The following ZNF804B variants were observed in gnomAD, a reference collection of about 807,000 sequenced individuals.
The protein encoded by ZNF804B is zinc finger protein 804B.
ZNF804B carries 80 observed loss-of-function variants against 101.4 expected under a neutral mutation model. The ratio of observed to expected loss-of-function variants is 0.79; its 90% confidence interval spans 0.66 to 0.95. The LOEUF (loss-of-function observed/expected upper bound fraction) is 0.95, where lower values mean the gene tolerates loss of function less well. Ranked by LOEUF, ZNF804B falls within the 40% of genes least tolerant of loss-of-function variation. The pLI is 0.00. For synonymous variants in ZNF804B, 622 were observed against 558.8 expected (o/e 1.11, Z -1.59); for missense variants, 1,673 against 1,561.9 (o/e 1.07, Z -1.20).
At chr7:88,955,773 T>A (rs758601187) in intron 1 of ZNF804B, among the ~76,000 whole-genome samples, 2 of 151,620 alleles carry the variant, frequency 1.3e-5, no homozygotes, top group Non-Finnish European at 3.0e-5. Context: ...CTAAAAGGCC[T>A]TCTGCACAGC....
chr7:88,987,546 G>T (rs1793775662), intron 1 of ZNF804B, among the ~76,000 whole-genome samples: 1 of 151,934 alleles, frequency 6.6e-6, no homozygotes, highest in Non-Finnish European at 1.5e-5. Context: ...ATTTCTTTAA[G>T]TATAGGCAGG....
Position 88,759,966 on chromosome 7 carries a change from C to T in ZNF804B, c.-11C>T. ...GAGGAGTTGAGACTCTGCGCCTCCGCCCGGACCCACATGGCTTGTTACCTG... is the reference window on the plus strand; with the variant it reads ...GAGGAGTTGAGACTCTGCGCCTCCGTCCGGACCCACATGGCTTGTTACCTG... On this transcript the variant is annotated 5_prime_UTR_variant, in exon 1 of 4. Coordinates refer to ENST00000333190, the MANE Select transcript of ZNF804B (RefSeq NM_181646.5). 1 of 1,613,566 alleles carries T rather than the reference C, an allele frequency of 6.2e-7. No individual in the cohort carries two copies. Among genetic ancestry groups the T allele is most frequent in the Non-Finnish European group, 8.5e-7 (1 of 1,179,502 alleles).
chr7:89,191,898 A>G (rs1282568640), intron 1 of ZNF804B, among the ~76,000 whole-genome samples: 4 of 152,128 alleles, frequency 2.6e-5, no homozygotes, highest in African/African-American at 9.7e-5. Context: ...CTTACATGTT[A>G]AATTATACTT....
chr7:88,932,746 A>C (rs1376344978), intron 1 of ZNF804B, among the ~76,000 whole-genome samples: 3 of 151,832 alleles, frequency 2.0e-5, no homozygotes, highest in African/African-American at 7.2e-5. Flanking sequence ...AGATTGAATC[A>C]GTAATAATAA....
In ZNF804B at chr7:89,333,905, ACT is replaced by A. The variant is rs758040012; in HGVS notation, c.926_927del (p.Ser309TyrfsTer2). 6.2e-7 allele frequency: 1 copy of A among 1,613,370 alleles called. No homozygotes were observed. On this transcript the variant is annotated frameshift_variant, in exon 4 of 4. Transcript: ENST00000333190. LOFTEE classifies it high-confidence loss of function. ...TCTAAAATTTTGCAAGACAAACACG[ACT>A]CTATTGATGAGACACTAGAAGATTC... is the stretch of plus-strand genomic sequence containing the variant.
At chr7:89,117,592 C>T (rs1250471072) in intron 1 of ZNF804B, among the ~76,000 whole-genome samples, 5 of 152,128 alleles carry the variant, frequency 3.3e-5, no homozygotes, top group Admixed American at 6.5e-5. Context: ...AAGTAATTTG[C>T]TCAATGGGGA....
intron 2 of ZNF804B, among the ~76,000 whole-genome samples, chr7:89,234,414 T>C (rs374401974): frequency 5.8e-4 from 89 of 152,264 alleles, no homozygotes; most frequent in African/African-American, 2.0e-3. Context: ...TATAATCTAC[T>C]TAACCTCTTT....
intron 1 of ZNF804B, among the ~76,000 whole-genome samples, chr7:88,784,336 G>T (rs1349109461): frequency 6.6e-6 from 1 of 152,148 alleles, no homozygotes; most frequent in Admixed American, 6.6e-5. Context: ...AGAGATTAGT[G>T]CAATTATTTA....
chr7:89,240,854 A>T (rs1303568809), intron 2 of ZNF804B, among the ~76,000 whole-genome samples: 1 of 152,080 alleles, frequency 6.6e-6, no homozygotes, highest in Non-Finnish European at 1.5e-5. Context: ...GGCCTTCATT[A>T]TTCCAAAGTA....
chr7:88,805,191 T>C (rs529282951), intron 1 of ZNF804B, among the ~76,000 whole-genome samples: 7 of 152,162 alleles, frequency 4.6e-5, no homozygotes, highest in Non-Finnish European at 8.8e-5. Context: ...TATAGTCAGG[T>C]ATGCCCTACT....
chr7:89,207,885 C>A (rs569863766), intron 1 of ZNF804B, among the ~76,000 whole-genome samples: 1 of 152,122 alleles, frequency 6.6e-6, no homozygotes, highest in South Asian at 2.1e-4. Context: ...AGCGTTTTCC[C>A]GACTCAGGCT....
At chr7:89,047,427 A>G (rs957130750) in intron 1 of ZNF804B, among the ~76,000 whole-genome samples, 1 of 152,164 alleles carries the variant, frequency 6.6e-6, no homozygotes, top group African/African-American at 2.4e-5. Context: ...GTTACATATT[A>G]TCAACTGAAG....
chr7:89,220,667 C>G (rs1472954003), intron 2 of ZNF804B, among the ~76,000 whole-genome samples: 1 of 151,832 alleles, frequency 6.6e-6, no homozygotes, highest in Non-Finnish European at 1.5e-5. Context: ...ATTATCTAAC[C>G]TAAAAATCAA....
At chr7:88,976,238 T>A (rs2116122494) in intron 1 of ZNF804B, among the ~76,000 whole-genome samples, 1 of 151,860 alleles carries the variant, frequency 6.6e-6, no homozygotes, top group South Asian at 2.1e-4. Context: ...ATTCTGTTTT[T>A]TATGGTCCTA....
chr7:89,260,605 A>T (rs912098113), intron 2 of ZNF804B, among the ~76,000 whole-genome samples: 3 of 152,172 alleles, frequency 2.0e-5, no homozygotes, highest in African/African-American at 7.2e-5. Context: ...CTCAAATCAC[A>T]TTAGAATTTA....
At position 89,318,505 on chromosome 7, in the gene ZNF804B, A is replaced by G. The variant is rs551679470; in HGVS notation, c.250-8839A>G. 2.0e-5 allele frequency among the ~76,000 whole-genome samples: 3 copies of G among 152,336 alleles called. No homozygotes were observed. The South Asian group carries it at 6.2e-4, about 32-fold the overall frequency. On this transcript the variant is annotated intron_variant, in intron 2 of 3. Transcript: ENST00000333190. The stretch of plus-strand genomic sequence containing the variant: ...TAGCCAGGCACAATGGCTTACACCT[A>G]TAATCCCAGCACTTTGAGAGGTCAA...
chr7:89,084,163 G>C (rs962288811), intron 1 of ZNF804B, among the ~76,000 whole-genome samples: 1 of 151,902 alleles, frequency 6.6e-6, no homozygotes. Flanking sequence ...TTTCTCAACT[G>C]TAGCAATGCC....
intron 1 of ZNF804B, among the ~76,000 whole-genome samples, chr7:88,772,783 G>T (rs907139531): frequency 6.6e-6 from 1 of 152,190 alleles, no homozygotes; most frequent in Non-Finnish European, 1.5e-5. Flanking sequence ...TACTTGACCA[G>T]TGTATTTCAG....
intron 1 of ZNF804B, among the ~76,000 whole-genome samples, chr7:89,059,898 A>G (rs1789352428): frequency 4.8e-3 from 1 of 208 alleles, no homozygotes; most frequent in South Asian, 0.17. Flanking sequence ...GCACCATCTA[A>G]TTGGCTGGGC....
Sources: gnomAD v4.1 joint callset for allele counts (sites outside exome capture counted in the v4.1 genomes callset) on GRCh38, gnomAD v4.1.1 for gene constraint, MANE v1.5 for transcripts, NCBI Gene and HGNC (gene_info 2026-07-23, HGNC 2026-07-21) for gene names.